TNFSF4: variants seen among roughly 807,000 people sequenced by gnomAD.
TNFSF4 encodes the protein TNF superfamily member 4.
TNFSF4 carries 4 observed loss-of-function variants against 7.3 expected under a neutral mutation model. The observed-to-expected ratio is 0.55, with a 90% CI of 0.27 to 1.25. The LOEUF is 1.25. Ranked by LOEUF, TNFSF4 falls within the 50% of genes most tolerant of loss-of-function variation. The pLI, the probability that TNFSF4 is intolerant of heterozygous loss-of-function variation, is 0.12. For missense variants in TNFSF4, 181 were observed against 208.8 expected, an observed-to-expected ratio of 0.87 and a Z score of 0.82; for synonymous variants, 76 against 83.7, an observed-to-expected ratio of 0.91 and a Z score of 0.50.
the TNFSF4 span, among the ~76,000 whole-genome samples, chr1:173,315,805 CAGATACAT>C: frequency 6.6e-6 from 1 of 152,124 alleles, no homozygotes; most frequent in African/African-American, 2.4e-5. Context: ...AGCCCCTTAA[CAGATACAT>C]AGTTTGCAAA....
rs563864168 is a variant in TNFSF4, at chr1:173,203,647, C to T, written c.153+3377G>A. Among the ~76,000 whole-genome samples, 61 of 152,128 alleles carry T rather than the reference C, an allele frequency of 4.0e-4. 1 individual carries two copies. The highest frequency in any genetic ancestry group is 1.3e-3 in the African/African-American group (54 of 41,504). ...CTTTCACTGATACAGAACTGGTCAA[C>T]TCACTTTCTAAGTATCTCTACTTCT... On this transcript the variant is annotated intron_variant, in intron 1 of 2. Transcript: ENST00000281834.
chr1:173,351,064 A>G, the TNFSF4 span, among the ~76,000 whole-genome samples: 1 of 152,326 alleles, frequency 6.6e-6, no homozygotes, highest in South Asian at 2.1e-4. Context: ...ACTAATAATA[A>G]GTCCAAAATC....
At chr1:173,201,315 C>T (rs1022630937) in intron 1 of TNFSF4, among the ~76,000 whole-genome samples, 1 of 152,110 alleles carries the variant, frequency 6.6e-6, no homozygotes, top group Non-Finnish European at 1.5e-5. Flanking sequence ...TAGGACTCTT[C>T]CAAGGTGGAT....
At chr1:173,379,850 C>T in the TNFSF4 span, among the ~76,000 whole-genome samples, 1 of 152,156 alleles carries the variant, frequency 6.6e-6, no homozygotes, top group South Asian at 2.1e-4. Flanking sequence ...AACAAGCCAC[C>T]CCCTCATCCA....
At chr1:173,208,989 C>T (rs2102005812), upstream of TNFSF4, among the ~76,000 whole-genome samples, 1 of 152,252 alleles carries the variant, frequency 6.6e-6, no homozygotes, top group East Asian at 1.9e-4. Context: ...TTACCATGCA[C>T]ATACTTGTAC....
the TNFSF4 span, among the ~76,000 whole-genome samples, chr1:173,340,814 C>A: frequency 6.6e-6 from 1 of 152,072 alleles, no homozygotes; most frequent in Non-Finnish European, 1.5e-5. Flanking sequence ...TCCAGGTTTA[C>A]TAGCAATAAG....
upstream of TNFSF4, among the ~76,000 whole-genome samples, chr1:173,211,986 C>T (rs71637460): frequency 0.045 from 6,887 of 152,254 alleles, 251 homozygotes; most frequent in Non-Finnish European, 0.072. Flanking sequence ...ACAATTCTGA[C>T]GGCTGCAACA....
chr1:173,445,481 C>T, the TNFSF4 span, among the ~76,000 whole-genome samples: 5 of 152,292 alleles, frequency 3.3e-5, no homozygotes, highest in East Asian at 9.7e-4. Flanking sequence ...ATTTTCACAG[C>T]TTGCCTAGCA....
the TNFSF4 span, among the ~76,000 whole-genome samples, chr1:173,301,475 G>A: frequency 6.6e-6 from 1 of 151,768 alleles, no homozygotes; most frequent in South Asian, 2.1e-4. Flanking sequence ...TAAGCACAGT[G>A]CCTGGCACAT....
the TNFSF4 span, among the ~76,000 whole-genome samples, chr1:173,177,571 A>G: frequency 6.6e-6 from 1 of 152,188 alleles, no homozygotes; most frequent in South Asian, 2.1e-4. Flanking sequence ...CTGTGTGTGT[A>G]CCCCTGAACC....
intron 1 of TNFSF4, among the ~76,000 whole-genome samples, chr1:173,190,494 G>A (rs1192702629): frequency 1.3e-5 from 2 of 152,192 alleles, no homozygotes; most frequent in Non-Finnish European, 2.9e-5. Flanking sequence ...TCTGAGCCCT[G>A]CCAGGGACTG....
chr1:173,438,603 A>G, the TNFSF4 span, among the ~76,000 whole-genome samples: 2 of 152,028 alleles, frequency 1.3e-5, no homozygotes, highest in African/African-American at 4.8e-5. Flanking sequence ...ATATTTTCTG[A>G]TATATAGAAT....
chr1:173,319,147 G>A, the TNFSF4 span, among the ~76,000 whole-genome samples: 2,562 of 152,288 alleles, frequency 0.017, 70 homozygotes, highest in African/African-American at 0.059. Context: ...GGACAATCAA[G>A]CTTGGTGGGG....
the TNFSF4 span, among the ~76,000 whole-genome samples, chr1:173,276,845 G>A: frequency 4.6e-5 from 7 of 152,230 alleles, no homozygotes; most frequent in South Asian, 6.2e-4. Flanking sequence ...CCATCACAGC[G>A]GGCTCAACAT....
At chr1:173,439,030 G>C in the TNFSF4 span, among the ~76,000 whole-genome samples, 7 of 152,214 alleles carry the variant, frequency 4.6e-5, no homozygotes, top group Non-Finnish European at 8.8e-5. Flanking sequence ...CTGAGTGAGT[G>C]ACAAGCTACG....
the TNFSF4 span, among the ~76,000 whole-genome samples, chr1:173,337,463 T>C: frequency 6.6e-6 from 1 of 152,210 alleles, no homozygotes; most frequent in Admixed American, 6.5e-5. Context: ...ACTTCTGCTA[T>C]ACTACCCTCT....
At chr1:173,374,975 T>G in the TNFSF4 span, among the ~76,000 whole-genome samples, 1 of 152,180 alleles carries the variant, frequency 6.6e-6, no homozygotes, top group Non-Finnish European at 1.5e-5. Context: ...GATCTATCCT[T>G]ACTCTGCAAT....
chr1:173,390,978 T>A, the TNFSF4 span, among the ~76,000 whole-genome samples: 1 of 152,022 alleles, frequency 6.6e-6, no homozygotes, highest in South Asian at 2.1e-4. Flanking sequence ...AATCCTGAAC[T>A]CAGGTGATCC....
chr1:173,279,013 T>A, the TNFSF4 span, among the ~76,000 whole-genome samples: 1 of 152,080 alleles, frequency 6.6e-6, no homozygotes, highest in Non-Finnish European at 1.5e-5. Context: ...GCCCTACTTG[T>A]CCAGTGGGCA....
Sources: gnomAD v4.1 joint callset for allele counts (sites outside exome capture counted in the v4.1 genomes callset) on GRCh38, gnomAD v4.1.1 for gene constraint, MANE v1.5 for transcripts, NCBI Gene and HGNC (gene_info 2026-07-23, HGNC 2026-07-21) for gene names.